Variants in STAU2 observed in about 807,000 individuals in gnomAD.
The protein encoded by STAU2 is staufen double-stranded RNA binding protein 2.
Under a neutral mutation model 65.9 loss-of-function variants are expected in STAU2, and 20 were observed. That is an observed-to-expected ratio of 0.30 (90% CI 0.21 to 0.44). STAU2 has a LOEUF of 0.44. Among genes scored for constraint, STAU2 ranks in the 20% least tolerant of loss-of-function variants. The probability of loss-of-function intolerance (pLI) is 1.00; values close to 1 mark genes in which losing one functional copy is unlikely to be tolerated. For synonymous variants in STAU2, 232 were observed against 233.9 expected, an observed-to-expected ratio of 0.99 and a Z score of 0.07; for missense variants, 558 against 683.9, an observed-to-expected ratio of 0.82 and a Z score of 2.05.
At chr8:73,493,222 TAGAAA>T (rs1336200451) in intron 13 of STAU2, among the ~76,000 whole-genome samples, 5 of 151,378 alleles carry the variant, frequency 3.3e-5, no homozygotes, top group Non-Finnish European at 1.5e-5. Context: ...AAATTGAGAA[TAGAAA>T]AAAGTTTCTT....
intron 13 of STAU2, among the ~76,000 whole-genome samples, chr8:73,533,765 T>G (rs1384938724): frequency 6.6e-6 from 1 of 152,190 alleles, no homozygotes; most frequent in African/African-American, 2.4e-5. Context: ...TGTCTTAAAT[T>G]ACATAAAATG....
rs531964517 is a variant in STAU2 at position 73,714,282 on chromosome 8, A to C, written c.-17-5120T>G. On this transcript the variant is annotated intron_variant, in intron 3 of 14. Coordinates refer to ENST00000524300, the MANE Select transcript of STAU2 (RefSeq NM_001164380.2). ...TTGGAGGGAACTCATCCTAATTCCC[A>C]AGTAAAATAAGAAAGAAAAAAGTCA... Among the ~76,000 whole-genome samples the C allele has an allele frequency of 2.6e-5, 4 of 152,274 alleles. No homozygotes were observed. The East Asian group carries it at 7.7e-4, about 29-fold the overall frequency.
At chr8:73,651,915 G>A (rs1439441431) in intron 6 of STAU2, among the ~76,000 whole-genome samples, 6 of 152,212 alleles carry the variant, frequency 3.9e-5, no homozygotes, top group Admixed American at 2.6e-4. Context: ...CCCACGCAAA[G>A]GTTCTGGAGA....
At chr8:73,665,915 T>C (rs1192742002) in intron 6 of STAU2, among the ~76,000 whole-genome samples, 2 of 152,206 alleles carry the variant, frequency 1.3e-5, no homozygotes, top group Non-Finnish European at 2.9e-5. Flanking sequence ...AGATTACTTA[T>C]AATATCTAAT....
At chr8:73,620,219 C>T (rs1442844218) in intron 6 of STAU2, among the ~76,000 whole-genome samples, 4 of 152,126 alleles carry the variant, frequency 2.6e-5, no homozygotes, top group African/African-American at 9.7e-5. Context: ...TTATTTTTAA[C>T]TGGTGGTACT....
intron 5 of STAU2, among the ~76,000 whole-genome samples, chr8:73,673,545 A>G (rs1446484007): frequency 1.3e-5 from 2 of 152,142 alleles, no homozygotes. Flanking sequence ...ATTATTTTTT[A>G]AAGTACTGCA....
intron 6 of STAU2, among the ~76,000 whole-genome samples, chr8:73,667,143 A>G (rs1160661854): frequency 2.0e-5 from 3 of 152,108 alleles, no homozygotes; most frequent in Admixed American, 1.3e-4. Flanking sequence ...CTAAATATCT[A>G]TAGACACTGT....
intron 1 of STAU2, among the ~76,000 whole-genome samples, chr8:73,742,616 T>A (rs1292085751): frequency 1.3e-5 from 2 of 151,960 alleles, no homozygotes; most frequent in Non-Finnish European, 2.9e-5. Context: ...AACTAAGCGC[T>A]TTTAGAGAAA....
chr8:73,425,190 T>A (rs1816711110), intron 13 of STAU2, among the ~76,000 whole-genome samples: 1 of 152,200 alleles, frequency 6.6e-6, no homozygotes, highest in African/African-American at 2.4e-5. Flanking sequence ...CCTTATAGAA[T>A]GTGGCCTTAT....
chr8:73,524,950 G>A (rs1019842260), intron 13 of STAU2, among the ~76,000 whole-genome samples: 31 of 152,094 alleles, frequency 2.0e-4, no homozygotes, highest in Admixed American at 3.9e-4. Context: ...AGAGGGTAAC[G>A]GCAACATAAT....
intron 13 of STAU2, among the ~76,000 whole-genome samples, chr8:73,435,218 T>A (rs1258983287): frequency 6.6e-6 from 1 of 151,934 alleles, no homozygotes; most frequent in Non-Finnish European, 1.5e-5. Context: ...TCCCTCTGGG[T>A]TCCTAACAGT....
At chr8:73,688,591 T>C in intron 5 of STAU2, 63 bp downstream of exon 5, 1 of 1,577,812 alleles carries the variant, frequency 6.3e-7, no homozygotes, top group Non-Finnish European at 8.7e-7. Context: ...CTACTATAAA[T>C]GAAACATACA....
intron 13 of STAU2, among the ~76,000 whole-genome samples, chr8:73,434,587 C>G (rs1218700895): frequency 6.6e-6 from 1 of 151,878 alleles, no homozygotes; most frequent in African/African-American, 2.4e-5. Context: ...CTCTGAGCCT[C>G]TTTTTCATCA....
At chr8:73,570,484 T>G (rs1276922580) in intron 12 of STAU2, among the ~76,000 whole-genome samples, 3 of 152,098 alleles carry the variant, frequency 2.0e-5, no homozygotes, top group African/African-American at 7.2e-5. Flanking sequence ...CTGGTGTACC[T>G]GAAAGTGACG....
intron 11 of STAU2, among the ~76,000 whole-genome samples, chr8:73,584,442 A>G (rs1810220424): frequency 6.6e-6 from 1 of 152,244 alleles, no homozygotes; most frequent in African/African-American, 2.4e-5. Context: ...AATATGGATT[A>G]TCTCATTTTC....
intron 13 of STAU2, chr8:73,511,306 C>T: frequency 6.5e-6 from 1 of 153,114 alleles, no homozygotes; most frequent in Non-Finnish European, 1.5e-5. Flanking sequence ...GTCATTCTAC[C>T]CCTCCTCCTC....
At chr8:73,515,553 T>C (rs868613170) in intron 13 of STAU2, among the ~76,000 whole-genome samples, 1 of 152,072 alleles carries the variant, frequency 6.6e-6, no homozygotes. Context: ...CAAAAGATCA[T>C]AGAGTACAAA....
intron 13 of STAU2, among the ~76,000 whole-genome samples, chr8:73,514,840 G>T (rs1563396264): frequency 6.6e-6 from 1 of 152,070 alleles, no homozygotes. Flanking sequence ...CAGAAAAATT[G>T]AGCACAACTT....
intron 5 of STAU2, among the ~76,000 whole-genome samples, chr8:73,676,682 G>A (rs1818048800): frequency 2.0e-5 from 3 of 152,270 alleles, no homozygotes; most frequent in Middle Eastern, 3.4e-3. Context: ...TGCAACCTCC[G>A]CCTCCCAGGT....
Sources: allele counts gnomAD v4.1 joint callset (sites outside exome capture counted in the v4.1 genomes callset), GRCh38; gene constraint gnomAD v4.1.1; transcripts MANE v1.5; gene names NCBI Gene and HGNC (gene_info 2026-07-23, HGNC 2026-07-21).